Variants in MOCOS observed in about 807,000 individuals in gnomAD.
MOCOS encodes human molybdenum cofactor sulfurase.
MOCOS carries 86 observed loss-of-function variants against 83.6 expected under a neutral mutation model. That is an observed-to-expected ratio of 1.03 (90% CI 0.86 to 1.23). The LOEUF is 1.23. MOCOS is among the 50% of genes most tolerant of loss of function. MOCOS has a pLI of 0.00. For missense variants in MOCOS, 1,120 were observed against 1,126.9 expected (o/e 0.99, Z 0.09); for synonymous variants, 445 against 434.7 (o/e 1.02, Z -0.29).
At chr18:36,264,496 C>T (rs1015771864) in intron 13 of MOCOS, among the ~76,000 whole-genome samples, 2 of 152,172 alleles carry the variant, frequency 1.3e-5, no homozygotes, top group Non-Finnish European at 2.9e-5. Context: ...TGCAGGGATC[C>T]TCGTGTATAA....
intron 13 of MOCOS, among the ~76,000 whole-genome samples, chr18:36,263,891 T>A (rs2091672543): frequency 6.6e-6 from 1 of 152,166 alleles, no homozygotes; most frequent in African/African-American, 2.4e-5. Flanking sequence ...GTATTGGTGT[T>A]TGGGGCTGGG....
At chr18:36,204,172 C>G (rs1192233368) in intron 5 of MOCOS, among the ~76,000 whole-genome samples, 1 of 152,228 alleles carries the variant, frequency 6.6e-6, no homozygotes, top group East Asian at 1.9e-4. Context: ...TCACCACTAT[C>G]TATTTCCAGA....
At chr18:36,195,134 A>C in intron 1 of MOCOS, 123 bp from the exon 2 acceptor site, 1 of 802,948 alleles carries the variant, frequency 1.2e-6, no homozygotes, top group Admixed American at 1.8e-5. Flanking sequence ...ATTAAGAGGC[A>C]CATATCAAGA....
chr18:36,221,467 A>G (rs1440867665), intron 9 of MOCOS, among the ~76,000 whole-genome samples: 4 of 152,176 alleles, frequency 2.6e-5, no homozygotes, highest in Non-Finnish European at 5.9e-5. Flanking sequence ...AAAAGACATT[A>G]CAGATACAGC....
At chr18:36,242,002 C>T (rs1022436895) in intron 9 of MOCOS, among the ~76,000 whole-genome samples, 7 of 152,216 alleles carry the variant, frequency 4.6e-5, no homozygotes, top group Non-Finnish European at 1.0e-4. Context: ...CCTAGGCCTC[C>T]GGGCCGTGAT....
chr18:36,255,071 T>C (rs1231085857), intron 11 of MOCOS, among the ~76,000 whole-genome samples: 1 of 152,126 alleles, frequency 6.6e-6, no homozygotes, highest in African/African-American at 2.4e-5. Flanking sequence ...CATAAGTATA[T>C]TATAACTTTT....
At chr18:36,194,804 T>C (rs1263924746) in intron 1 of MOCOS, among the ~76,000 whole-genome samples, 1 of 152,206 alleles carries the variant, frequency 6.6e-6, no homozygotes, top group Non-Finnish European at 1.5e-5. Flanking sequence ...GTTGGATGGA[T>C]CATTTGCATT....
intron 6 of MOCOS, among the ~76,000 whole-genome samples, chr18:36,212,922 C>T (rs2091460533): frequency 6.6e-6 from 1 of 152,168 alleles, no homozygotes. Flanking sequence ...AGCAAACATC[C>T]CAGGGGCTCA....
At chr18:36,191,134 C>G (rs548467342) in intron 1 of MOCOS, among the ~76,000 whole-genome samples, 1 of 151,880 alleles carries the variant, frequency 6.6e-6, no homozygotes, top group African/African-American at 2.4e-5. Flanking sequence ...GTGCTTGCTT[C>G]GCTTTCCACC....
intron 9 of MOCOS, among the ~76,000 whole-genome samples, chr18:36,227,918 A>G (rs887332479): frequency 6.6e-6 from 1 of 152,254 alleles, no homozygotes; most frequent in Non-Finnish European, 1.5e-5. Flanking sequence ...GAATGGGAGA[A>G]AATTTTTGCA....
At chr18:36,210,365 G>T (rs2091449917) in intron 6 of MOCOS, among the ~76,000 whole-genome samples, 1 of 152,142 alleles carries the variant, frequency 6.6e-6, no homozygotes, top group South Asian at 2.1e-4. Flanking sequence ...GAGTATGGCA[G>T]CTGTGCAGAC....
At chr18:36,200,353 G>A (rs1223426157) in intron 4 of MOCOS, 29 bp downstream of exon 4, 1 of 1,613,298 alleles carries the variant, frequency 6.2e-7, no homozygotes, top group Non-Finnish European at 8.5e-7. Context: ...AGGGGTCAGA[G>A]GAGTTCAGCA....
intron 1 of MOCOS, among the ~76,000 whole-genome samples, chr18:36,188,037 C>T (rs1246400882): frequency 1.3e-5 from 2 of 152,172 alleles, no homozygotes; most frequent in South Asian, 2.1e-4. Context: ...GACAGCATGT[C>T]CAGCGGCCGT....
At chr18:36,252,896 TA>T (rs2144142392) in intron 11 of MOCOS, among the ~76,000 whole-genome samples, 1 of 152,334 alleles carries the variant, frequency 6.6e-6, no homozygotes, top group African/African-American at 2.4e-5. Context: ...TTTCACGCCA[TA>T]AGCTGTTAAG....
intron 13 of MOCOS, among the ~76,000 whole-genome samples, chr18:36,262,192 A>G (rs2091665656): frequency 6.7e-6 from 1 of 150,130 alleles, no homozygotes; most frequent in South Asian, 2.1e-4. Flanking sequence ...CAAGTATTAA[A>G]ATAAGTATAA....
chr18:36,233,813 G>C (rs1444599303), intron 9 of MOCOS, among the ~76,000 whole-genome samples: 2 of 152,070 alleles, frequency 1.3e-5, no homozygotes, highest in East Asian at 3.8e-4. Flanking sequence ...TCTCATGTTT[G>C]TTGGCCATTT....
intron 9 of MOCOS, among the ~76,000 whole-genome samples, chr18:36,239,516 A>T (rs2091573005): frequency 6.6e-6 from 1 of 151,354 alleles, no homozygotes; most frequent in Admixed American, 6.6e-5. Context: ...TGTTAGTCTG[A>T]TGGGCTTCCC....
At chr18:36,263,058 A>G (rs952074553) in intron 13 of MOCOS, among the ~76,000 whole-genome samples, 2 of 152,186 alleles carry the variant, frequency 1.3e-5, no homozygotes, top group African/African-American at 4.8e-5. Flanking sequence ...GCAGTGAGCT[A>G]TGATGAAGCC....
Position 36,200,117 on chromosome 18 carries a change from C to T in MOCOS, c.734C>T (p.Thr245Ile), listed in dbSNP as rs2091406608. 1 of 1,614,212 alleles carries T rather than the reference C, an allele frequency of 6.2e-7. No homozygotes were observed. Among genetic ancestry groups the T allele is most frequent in the Non-Finnish European group, 8.5e-7 (1 of 1,180,034 alleles). The change falls in exon 4 of 15, where the codon ACC becomes ATC. Residue 245 changes from threonine (T) to isoleucine (I), a missense_variant. Transcript: ENST00000261326. ...CTGGATGCAGCCTCCTACGTGAGCA[C>T]CTCGCCTTTGGACCTGTCAGCTCAC... ...VLLDAASYVS[T>I]SPLDLSAHQA...
Sources: allele counts gnomAD v4.1 joint callset (sites outside exome capture counted in the v4.1 genomes callset), GRCh38; gene constraint gnomAD v4.1.1; transcripts MANE v1.5; gene names NCBI Gene and HGNC (gene_info 2026-07-23, HGNC 2026-07-21).